Variants in KIF7 observed in about 807,000 individuals in gnomAD.
KIF7 encodes the protein kinesin-like protein KIF7.
Under a neutral mutation model 135.7 loss-of-function variants are expected in KIF7, and 104 were observed. The ratio of observed to expected loss-of-function variants is 0.77; its 90% CI spans 0.65 to 0.90. The LOEUF (loss-of-function observed/expected upper bound fraction) is 0.90, where lower values mean the gene tolerates loss of function less well. Among genes scored for constraint, KIF7 ranks in the 40% least tolerant of loss-of-function variants. The pLI is 0.00. For missense variants in KIF7, 2,005 were observed against 1,839.1 expected, an observed-to-expected ratio of 1.09 and a Z score of -1.65; for synonymous variants, 883 against 809.4, an observed-to-expected ratio of 1.09 and a Z score of -1.54.
chr15:89,626,829 GA>G, downstream of KIF7: 1 of 1,024,112 alleles, frequency 9.8e-7, no homozygotes, highest in Non-Finnish European at 1.4e-6. Flanking sequence ...TAGGATAAGC[GA>G]ACCTCCAAGC....
chr15:89,625,382 C>T (rs749490163), downstream of KIF7: 28 of 1,613,820 alleles, frequency 1.7e-5, no homozygotes, highest in South Asian at 1.5e-4. Flanking sequence ...AGGAAGAGGG[C>T]GGTGGGCTGT....
chr15:89,633,345 CA>C, intron 12 of KIF7, 79 bp from the exon 13 acceptor site: 1 of 1,525,754 alleles, frequency 6.6e-7, no homozygotes, highest in Non-Finnish European at 8.8e-7. Flanking sequence ...CCAAAGCCCC[CA>C]GGAGTGCCTG....
At chr15:89,648,234 C>G (rs919772534) in intron 5 of KIF7, 21 bp downstream of exon 5, 2 of 1,501,708 alleles carry the variant, frequency 1.3e-6, no homozygotes, top group African/African-American at 2.8e-5. Flanking sequence ...CAACCACAAC[C>G]ACAACCTGTC....
chr15:89,625,580 C>G (rs1215878745), downstream of KIF7: 7 of 1,612,776 alleles, frequency 4.3e-6, no homozygotes, highest in African/African-American at 8.0e-5. Flanking sequence ...AACAGCATGC[C>G]TAAGGCCGAG....
chr15:89,632,736 G>T, intron 14 of KIF7, 84 bp downstream of exon 14: 1 of 1,451,146 alleles, frequency 6.9e-7, no homozygotes, highest in Non-Finnish European at 9.4e-7. Context: ...TTACTTGGCA[G>T]GAGCTCACCT....
rs981100855 is a variant in KIF7 at position 89,642,186 on chromosome 15, G to C, written c.2394+17C>G. On this transcript the variant is annotated intron_variant, in intron 11 of 18. Coordinates refer to ENST00000394412, the MANE Select transcript of KIF7 (RefSeq NM_198525.3). ...AGGAGTCACCCCAGCACCCCACCCTGAGGCCCCGAGACTAACCTGCACCTG... is the reference window on the plus strand; with the variant it reads ...AGGAGTCACCCCAGCACCCCACCCTCAGGCCCCGAGACTAACCTGCACCTG... The C allele has an allele frequency of 1.2e-6, 2 of 1,608,168 alleles. No individual in the cohort carries two copies. Among genetic ancestry groups the C allele is most frequent in the South Asian group, 2.2e-5 (2 of 90,932 alleles).
chr15:89,654,061 C>G (rs112065034), intron 1 of KIF7, among the ~76,000 whole-genome samples: 1,534 of 152,266 alleles, frequency 0.01, 27 homozygotes, highest in African/African-American at 0.035. Flanking sequence ...CCAGGCTGGA[C>G]TGCAGTGGCC....
chr15:89,659,413 G>A (rs995867969), upstream of KIF7, among the ~76,000 whole-genome samples: 5 of 146,638 alleles, frequency 3.4e-5, no homozygotes, highest in Non-Finnish European at 7.5e-5. Flanking sequence ...AAAGAAGAAG[G>A]AAAGAAAGAA....
At chr15:89,660,502 C>T in the KIF7 span, among the ~76,000 whole-genome samples, 2 of 152,120 alleles carry the variant, frequency 1.3e-5, no homozygotes, top group East Asian at 3.9e-4. Flanking sequence ...TGGAGTTGAT[C>T]GCTGGAGCTG....
In KIF7 at chr15:89,645,021, A is replaced by C; in HGVS notation, c.2183T>G (p.Val728Gly). ...RMKEELIGELVRTGKAAQALN... is the reference protein window; with the variant it reads ...RMKEELIGELGRTGKAAQALN... ...TGATGCCCACGCCTCACCTGTGCGGACCAGCTCGCCAATAAGCTCCTCCTT... is the reference window on the plus strand; with the variant it reads ...TGATGCCCACGCCTCACCTGTGCGGCCCAGCTCGCCAATAAGCTCCTCCTT... The change falls in exon 10 of 19, where the codon GTC (valine) becomes GGC (glycine). Residue 728 changes from valine (V) to glycine (G), a missense_variant. Val to Gly is a moderately radical substitution (Grantham distance 109). Transcript: ENST00000394412. 6.2e-7 allele frequency: 1 copy of C among 1,608,196 alleles called. No homozygotes were observed. The highest frequency in any genetic ancestry group is 8.5e-7 in the Non-Finnish European group (1 of 1,179,972).
rs1963693263 is a variant in KIF7 at position 89,632,148 on chromosome 15, G to A, written c.2896-438C>T. 2.6e-5 allele frequency among the ~76,000 whole-genome samples: 4 copies of A among 152,212 alleles called. No individual in the cohort carries two copies. The South Asian group carries it at 8.3e-4, about 31-fold the overall frequency. Reference sequence around the variant, plus strand: ...TCCAGTAGGACCCTGGATCCTCCTGGACATCAGAGTGATGCGTGCTGGCAG... The same window carrying A: ...TCCAGTAGGACCCTGGATCCTCCTGAACATCAGAGTGATGCGTGCTGGCAG... On this transcript the variant is annotated intron_variant, in intron 14 of 18. Transcript: ENST00000394412.
chr15:89,630,706 C>G, intron 15 of KIF7: 1 of 611,558 alleles, frequency 1.6e-6, no homozygotes, highest in South Asian at 1.9e-5. Context: ...AGGTGGCCTG[C>G]TCAACTGCAA....
At chr15:89,646,331 T>C (rs1567065927) in intron 7 of KIF7, among the ~76,000 whole-genome samples, 2 of 152,124 alleles carry the variant, frequency 1.3e-5, no homozygotes, top group Non-Finnish European at 2.9e-5. Context: ...GCCAGAGTGA[T>C]GGGTGAACAT....
At position 89,619,894 on chromosome 15, in the gene KIF7, G is replaced by C. The variant is rs528559665; in HGVS notation, c.181-1699C>G. ...CAAGTCCGTGCTGACTTGGTGAGAA[G>C]TGTTTTTGGGAAAAGAAGCAAGAAA... On this transcript the variant is annotated intron_variant and NMD_transcript_variant, in intron 1 of 2. Coordinates refer to the KIF7 transcript ENST00000558928. 13 of 1,545,840 alleles carry C rather than the reference G, an allele frequency of 8.4e-6. No homozygotes were observed. The South Asian group carries it at 1.6e-4, about 19-fold the overall frequency.
intron 11 of KIF7, 87 bp from the exon 12 acceptor site, chr15:89,633,970 T>TA (rs1328440936): frequency 1.4e-6 from 2 of 1,447,754 alleles, no homozygotes; most frequent in Non-Finnish European, 1.9e-6. Context: ...GGCAGGCAGA[T>TA]AGAGGGCAAA....
intron 2 of KIF7, among the ~76,000 whole-genome samples, chr15:89,651,840 T>TG (rs1964128385): frequency 6.6e-6 from 1 of 152,102 alleles, no homozygotes; most frequent in African/African-American, 2.4e-5. Context: ...GGGAAGTGGA[T>TG]GGGGGGAGCC....
At chr15:89,639,648 G>A (rs1464815091) in intron 11 of KIF7, among the ~76,000 whole-genome samples, 2 of 136,804 alleles carry the variant, frequency 1.5e-5, no homozygotes, top group South Asian at 2.6e-4. Context: ...AACAACAGGT[G>A]CTGGAGAGGA....
In KIF7 at chr15:89,648,696, G is replaced by C; in HGVS notation, c.1002C>G (p.Asp334Glu). The C allele has an allele frequency of 2.0e-6, 3 of 1,536,124 alleles. No homozygotes were observed. The highest frequency in any genetic ancestry group is 2.6e-6 in the Non-Finnish European group (3 of 1,146,454). The change falls in exon 5 of 19, where the codon GAC becomes GAG. Residue 334 changes from aspartate (D) to glutamate (E), a missense_variant. Asp to Glu is a conservative substitution (Grantham distance 45). Coordinates refer to ENST00000394412, the MANE Select transcript of KIF7 (RefSeq NM_198525.3). Reference protein sequence around the residue: ...ACVSPSSSDFDETLNTLNYAS... With the variant: ...ACVSPSSSDFEETLNTLNYAS... The stretch of plus-strand genomic sequence containing the variant: ...CGTAGTTGAGGGTGTTGAGGGTCTC[G>C]TCGAAGTCGGAGGAGGAAGGGCTGA...
rs753469241 is a variant in KIF7, at chr15:89,647,750, G to A, written c.1444-38C>T. ...GAGAGGGGCTTCAGGGGCGGGGGTT[G>A]ACAGGGCGAGCTGGACACCCGGCCT... is the stretch of plus-strand genomic sequence containing the variant. On this transcript the variant is annotated intron_variant, in intron 5 of 18. Coordinates refer to ENST00000394412, the MANE Select transcript of KIF7 (RefSeq NM_198525.3). 5 of 1,447,146 alleles carry A rather than the reference G, an allele frequency of 3.5e-6. No individual in the cohort carries two copies. In the South Asian group the frequency reaches 6.1e-5, roughly 18 times the overall value. 89.6% of individuals were successfully genotyped at this position (1,447,146 alleles called of 1,614,324 possible). A position where few individuals can be genotyped will look rare whatever the true frequency, so the allele number is the denominator to read the frequency against.
Sources: gnomAD v4.1 joint callset for allele counts (sites outside exome capture counted in the v4.1 genomes callset) on GRCh38, gnomAD v4.1.1 for gene constraint, MANE v1.5 for transcripts, NCBI Gene and HGNC (gene_info 2026-07-23, HGNC 2026-07-21) for gene names.